AGBL5: variants seen among roughly 807,000 people sequenced by gnomAD.
The protein encoded by AGBL5 is AGBL carboxypeptidase 5.
A neutral mutation model predicts 88.0 loss-of-function variants in AGBL5; 51 were observed. That is an observed-to-expected ratio of 0.58 (90% CI 0.46 to 0.73). The LOEUF is 0.73. AGBL5 is among the 30% of genes least tolerant of loss of function. The pLI, the probability that AGBL5 is intolerant of heterozygous loss-of-function variation, is 0.00. For missense variants in AGBL5, 1,031 were observed against 1,162.2 expected (o/e 0.89, Z 1.64); for synonymous variants, 446 against 438.8 (o/e 1.02, Z -0.21).
chr2:27,063,594 C>A (rs201748076), intron 11 of AGBL5, among the ~76,000 whole-genome samples: 98 of 138,892 alleles, frequency 7.1e-4, no homozygotes, highest in Middle Eastern at 3.7e-3. Context: ...GACTCCGTCT[C>A]AAAAAAAAAA....
rs1298877239 is a variant in AGBL5, at chr2:27,051,777, C to T, written c.-63C>T. 1.3e-5 allele frequency: 2 copies of T among 152,390 alleles called. No homozygotes were observed. The highest frequency in any genetic ancestry group is 2.9e-5 in the Non-Finnish European group (2 of 68,052). 9.4% of individuals were successfully genotyped at this position (152,390 alleles called of 1,614,324 possible). ...TCGCTAGCGGGAGAGGGAGCGGGAT[C>T]ACCGGCCCGGAGAGAGGTGAGGGGC... On this transcript the variant is annotated 5_prime_UTR_variant, in exon 1 of 15. Coordinates refer to ENST00000360131, the MANE Select transcript of AGBL5 (RefSeq NM_021831.6).
At chr2:27,064,787 C>G in intron 11 of AGBL5, among the ~76,000 whole-genome samples, 1 of 111,104 alleles carries the variant, frequency 9.0e-6, no homozygotes, top group South Asian at 3.2e-4. Flanking sequence ...GACAGTCTCA[C>G]TCTGTCGCCC....
intron 11 of AGBL5, among the ~76,000 whole-genome samples, chr2:27,061,410 T>C (rs530771085): frequency 3.5e-4 from 54 of 152,286 alleles, no homozygotes; most frequent in African/African-American, 1.3e-3. Context: ...CTAATTTTTG[T>C]ACTTTTAGTA....
chr2:27,067,820 A>T, intron 12 of AGBL5, 174 bp downstream of exon 12: 1 of 747,168 alleles, frequency 1.3e-6, no homozygotes, highest in South Asian at 1.5e-5. Flanking sequence ...TCTGTGTAAT[A>T]AAACAATAGT....
intron 11 of AGBL5, among the ~76,000 whole-genome samples, chr2:27,064,822 C>T (rs1244787794): frequency 1.5e-5 from 2 of 131,182 alleles, no homozygotes; most frequent in Non-Finnish European, 3.1e-5. Flanking sequence ...TGGCCGATCT[C>T]AGCTCACTGC....
At chr2:27,065,338 C>T (rs1384931814) in intron 11 of AGBL5, among the ~76,000 whole-genome samples, 1 of 152,152 alleles carries the variant, frequency 6.6e-6, no homozygotes, top group Non-Finnish European at 1.5e-5. Flanking sequence ...CCCCCTGGGC[C>T]CCACCCTTCA....
In AGBL5 at chr2:27,053,807, G is replaced by C; in HGVS notation, c.388-89G>C. ...GGAGGGAAGTTGGTAAAGGTGATAA[G>C]GGTGTGAGGTCAGTTCCTGGTGGTC... is the stretch of plus-strand genomic sequence containing the variant. On this transcript the variant is annotated intron_variant, in intron 3 of 14. Transcript: ENST00000360131. This position sits in a 1 kb window ranked among gnomAD's most constrained non-coding sequence, Gnocchi z 4.9. 2.0e-6 allele frequency: 3 copies of C among 1,504,788 alleles called. No individual in the cohort carries two copies. Among genetic ancestry groups the C allele is most frequent in the Non-Finnish European group, 2.7e-6 (3 of 1,117,638 alleles). 93.2% of individuals were successfully genotyped at this position (1,504,788 alleles called of 1,614,324 possible).
At chr2:27,060,561 A>G (rs940825291) in intron 11 of AGBL5, among the ~76,000 whole-genome samples, 2 of 152,254 alleles carry the variant, frequency 1.3e-5, no homozygotes, top group African/African-American at 2.4e-5. Context: ...GTCTTCCAGC[A>G]TACTCATCCT....
At chr2:27,051,291 G>A (rs571947339), upstream of AGBL5, 17 of 152,336 alleles carry the variant, frequency 1.1e-4, no homozygotes, top group East Asian at 3.9e-4. Flanking sequence ...CCTCCACTCA[G>A]CTTTTGCGTC....
chr2:27,054,870 G>A, intron 5 of AGBL5, 63 bp downstream of exon 5: 17 of 1,561,830 alleles, frequency 1.1e-5, no homozygotes, highest in Non-Finnish European at 1.5e-5. Context: ...ACTGTTTATA[G>A]CTAAAGACTA....
chr2:27,069,969 A>G, intron 14 of AGBL5, 123 bp from the exon 15 acceptor site: 1 of 1,517,412 alleles, frequency 6.6e-7, no homozygotes, highest in Non-Finnish European at 8.8e-7. Context: ...TGCAGTAACC[A>G]ACTTGCCCAT....
rs750305218 is a variant in AGBL5, at chr2:27,070,418, G to T, written c.*155G>T. On this transcript the variant is annotated 3_prime_UTR_variant, in exon 15 of 15. Transcript: ENST00000360131. ...CCAAGGCATTACAGAGTATCACCTT[G>T]AGACAGAACAAAACAGGGACCTGCC... The T allele has an allele frequency of 1.2e-5, 9 of 732,572 alleles. No homozygotes were observed. The highest frequency in any genetic ancestry group is 1.8e-5 in the Non-Finnish European group (8 of 452,526). 45.4% of individuals were successfully genotyped at this position (732,572 alleles called of 1,614,324 possible).
At chr2:27,057,463 A>C (rs1668496744) in intron 9 of AGBL5, 25 bp downstream of exon 9, 1 of 1,573,326 alleles carries the variant, frequency 6.4e-7, no homozygotes, top group Non-Finnish European at 8.7e-7. Flanking sequence ...TGTAAGTGGG[A>C]AAAGGGAGAA....
At chr2:27,054,380 C>T (rs567974253) in intron 4 of AGBL5, 40 of 555,700 alleles carry the variant, frequency 7.2e-5, no homozygotes, top group Admixed American at 6.2e-4. Flanking sequence ...AGAACAACTC[C>T]GACTACATTA....
In AGBL5 at chr2:27,053,393, G is replaced by A; in HGVS notation, c.216-9G>A. On this transcript the variant is annotated splice_polypyrimidine_tract_variant and intron_variant, in intron 2 of 14. Coordinates refer to ENST00000360131, the MANE Select transcript of AGBL5 (RefSeq NM_021831.6). The surrounding 1 kb of genome is among the most constrained non-coding windows in gnomAD (Gnocchi z 4.9). ...CACGTAATGACCTCTCTCTTACTCTGGTCCTCAGGTCATGGTTCTACTTCA... is the reference window on the plus strand; with the variant it reads ...CACGTAATGACCTCTCTCTTACTCTAGTCCTCAGGTCATGGTTCTACTTCA... The A allele has an allele frequency of 6.2e-7, 1 of 1,613,630 alleles. No individual in the cohort carries two copies. The highest frequency in any genetic ancestry group is 8.5e-7 in the Non-Finnish European group (1 of 1,179,782).
At position 27,056,179 on chromosome 2, in the gene AGBL5, A is replaced by G. The variant is rs758590625; in HGVS notation, c.1365+41A>G. 3.2e-6 allele frequency: 5 copies of G among 1,585,186 alleles called. No individual in the cohort carries two copies. The South Asian group carries it at 4.5e-5, about 14-fold the overall frequency. ...ATGTCATGTGAGTGTGAGAAGTGTTACAGGTTAGGAGATGGGGTTAGGCCA... is the reference window on the plus strand; with the variant it reads ...ATGTCATGTGAGTGTGAGAAGTGTTGCAGGTTAGGAGATGGGGTTAGGCCA... On this transcript the variant is annotated intron_variant, in intron 7 of 14. Transcript: ENST00000360131.
chr2:27,058,683 T>G, intron 10 of AGBL5, 81 bp downstream of exon 10: 12 of 1,465,158 alleles, frequency 8.2e-6, no homozygotes, highest in Non-Finnish European at 1.1e-5. Flanking sequence ...GGGATTTATA[T>G]TCCTTCCATC....
At chr2:27,068,611 T>C in intron 12 of AGBL5, 21 bp from the exon 13 acceptor site, 1 of 1,611,174 alleles carries the variant, frequency 6.2e-7, no homozygotes. Context: ...CCTACCCTGA[T>C]CAGTTTCCTC....
chr2:27,053,682 T>TG lies in AGBL5; in HGVS notation c.387+109_387+110insG. ...GTATGAAGCAGGTGGGACAACAGGT[T>TG]TAAGTATCAGCTTTTTCTCCAGTGT... On this transcript the variant is annotated intron_variant, in intron 3 of 14. Transcript: ENST00000360131. The surrounding 1 kb of genome is among the most constrained non-coding windows in gnomAD (Gnocchi z 4.9). 1 of 1,447,016 alleles carries TG rather than the reference T, an allele frequency of 6.9e-7. No individual in the cohort carries two copies. The highest frequency in any genetic ancestry group is 9.2e-7 in the Non-Finnish European group (1 of 1,086,816). 89.6% of individuals were successfully genotyped at this position (1,447,016 alleles called of 1,614,324 possible). A position where few individuals can be genotyped will look rare whatever the true frequency, so the allele number is the denominator to read the frequency against.
Sources: gnomAD v4.1 joint callset for allele counts (sites outside exome capture counted in the v4.1 genomes callset) on GRCh38, gnomAD v4.1.1 for gene constraint, Gnocchi (gnomAD v3.1) non-coding constraint, MANE v1.5 for transcripts, NCBI Gene and HGNC (gene_info 2026-07-23, HGNC 2026-07-21) for gene names.